DPF3: variants seen among roughly 807,000 people sequenced by gnomAD.
The protein encoded by DPF3 is zinc finger protein DPF3.
A neutral mutation model predicts 56.8 loss-of-function variants in DPF3; 18 were observed. That is an observed-to-expected ratio of 0.32 (90% CI 0.22 to 0.47). The LOEUF (loss-of-function observed/expected upper bound fraction) is 0.47. Among genes scored for constraint, DPF3 ranks in the 20% least tolerant of loss-of-function variants. The pLI, the probability that DPF3 is intolerant of heterozygous loss-of-function variation, is 1.00. For synonymous variants in DPF3, 188 were observed against 180.2 expected, an observed-to-expected ratio of 1.04 and a Z score of -0.35; for missense variants, 403 against 488.8, an observed-to-expected ratio of 0.82 and a Z score of 1.65.
At chr14:72,836,010 G>A in intron 1 of DPF3, 1 of 981,344 alleles carries the variant, frequency 1.0e-6, no homozygotes, top group Non-Finnish European at 1.2e-6. Context: ...ACATCCCGAG[G>A]GCCAGCCGTC....
chr14:72,620,916 G>GT (rs1198761912), intron 9 of DPF3, among the ~76,000 whole-genome samples: 13 of 152,322 alleles, frequency 8.5e-5, no homozygotes, highest in South Asian at 6.2e-4. Context: ...CAAGGCGCGT[G>GT]GTTCACTTGA....
At chr14:72,848,291 G>A (rs1235880161) in intron 1 of DPF3, among the ~76,000 whole-genome samples, 5 of 152,076 alleles carry the variant, frequency 3.3e-5, no homozygotes, top group Non-Finnish European at 5.9e-5. Context: ...AGCTTCCCAA[G>A]TAGCTGGGAT....
chr14:72,869,389 T>C (rs987117759), intron 1 of DPF3, among the ~76,000 whole-genome samples: 2 of 152,198 alleles, frequency 1.3e-5, no homozygotes, highest in Non-Finnish European at 2.9e-5. Context: ...AGCTAGTACA[T>C]TGTATGTGTT....
At chr14:72,860,175 C>CTTTTG (rs113625024) in intron 1 of DPF3, among the ~76,000 whole-genome samples, 23 of 151,704 alleles carry the variant, frequency 1.5e-4, no homozygotes, top group African/African-American at 4.1e-4. Flanking sequence ...TTATTAACAT[C>CTTTTG]TTTTGTTTTG....
At chr14:72,843,762 A>G (rs1037858317) in intron 1 of DPF3, among the ~76,000 whole-genome samples, 2 of 152,104 alleles carry the variant, frequency 1.3e-5, no homozygotes, top group Non-Finnish European at 2.9e-5. Context: ...GGCTGGTCTC[A>G]AACTCCCAAC....
intron 6 of DPF3, among the ~76,000 whole-genome samples, chr14:72,696,773 C>G (rs1332888960): frequency 6.6e-6 from 1 of 152,210 alleles, no homozygotes; most frequent in Non-Finnish European, 1.5e-5. Context: ...AAACAGTGGT[C>G]CCCAGACCAG....
At position 72,612,161 on chromosome 14, in the gene DPF3, G is replaced by C. The variant is rs1883765574; in HGVS notation, c.*7136C>G. On this transcript the variant is annotated 3_prime_UTR_variant, in exon 11 of 11. Coordinates refer to ENST00000556509, the MANE Select transcript of DPF3 (RefSeq NM_001280542.3). ...AAAACCCCCAGGGTGGACAACCATG[G>C]CAGATGAGTGGGGGGCAGCTTGGAT... 6.6e-6 allele frequency among the ~76,000 whole-genome samples: 1 copy of C among 152,168 alleles called. No homozygotes were observed. The highest frequency in any genetic ancestry group is 2.4e-5 in the African/African-American group (1 of 41,438).
intron 7 of DPF3, among the ~76,000 whole-genome samples, chr14:72,692,648 T>C (rs1210010263): frequency 6.6e-6 from 1 of 152,104 alleles, no homozygotes; most frequent in Non-Finnish European, 1.5e-5. Context: ...CAGCAATAGA[T>C]AAGAATATTC....
intron 5 of DPF3, among the ~76,000 whole-genome samples, chr14:72,714,765 G>C (rs1490773404): frequency 6.6e-6 from 1 of 152,108 alleles, no homozygotes; most frequent in Admixed American, 6.5e-5. Context: ...CAAACCAAAG[G>C]ACTGAAGCCA....
At chr14:72,760,275 C>T (rs551184359) in intron 2 of DPF3, among the ~76,000 whole-genome samples, 20 of 152,080 alleles carry the variant, frequency 1.3e-4, no homozygotes, top group Non-Finnish European at 2.2e-4. Flanking sequence ...GTTCGAGAAC[C>T]GCCTGACCGA....
chr14:72,816,761 A>T (rs1170866084), intron 1 of DPF3, among the ~76,000 whole-genome samples: 2 of 152,222 alleles, frequency 1.3e-5, no homozygotes, highest in Admixed American at 6.5e-5. Context: ...TCCAAAAGTG[A>T]ATAATTGTCA....
At position 72,727,641 on chromosome 14, in the gene DPF3, T is replaced by C. The variant is rs947708920; in HGVS notation, c.430-3913A>G. 2.6e-5 allele frequency among the ~76,000 whole-genome samples: 4 copies of C among 152,108 alleles called. 1 individual carries two copies. Among genetic ancestry groups the C allele is most frequent in the Non-Finnish European group, 5.9e-5 (4 of 68,024 alleles). On this transcript the variant is annotated intron_variant, in intron 4 of 10. Coordinates refer to ENST00000556509, the MANE Select transcript of DPF3 (RefSeq NM_001280542.3). ...ACTCTGATGCTGAATCTTCATACTGTTTGTTCTCATGGATTTTATCCTAAA... is the reference window on the plus strand; with the variant it reads ...ACTCTGATGCTGAATCTTCATACTGCTTGTTCTCATGGATTTTATCCTAAA...
intron 8 of DPF3, among the ~76,000 whole-genome samples, chr14:72,667,721 G>A (rs1437303027): frequency 2.0e-5 from 3 of 152,106 alleles, no homozygotes; most frequent in Non-Finnish European, 4.4e-5. Flanking sequence ...CTCTTTTACA[G>A]GATCTAATTG....
intron 1 of DPF3, among the ~76,000 whole-genome samples, chr14:72,887,152 AACACACACACACACACACACAC>A (rs149200705): frequency 7.2e-6 from 1 of 138,044 alleles, no homozygotes; most frequent in Non-Finnish European, 1.5e-5. Flanking sequence ...TCTGCCTCCA[AACACACACACACACACACACAC>A]ACACACACAC....
rs966460882 is a variant in DPF3 at position 72,612,765 on chromosome 14, G to C, written c.*6532C>G. 1 of 367,362 alleles carries C rather than the reference G, an allele frequency of 2.7e-6. No individual in the cohort carries two copies. The allele number at this position is 367,362 out of a possible 1,614,324, so 22.8% of individuals were successfully genotyped here. A position where few individuals can be genotyped will look rare whatever the true frequency, so the allele number is the denominator to read the frequency against. ...CCAACTATTGCCAAATATCTTTCAT[G>C]AAAAGAAGCATAGGTGAACGAAGGG... On this transcript the variant is annotated 3_prime_UTR_variant, in exon 11 of 11. Coordinates refer to ENST00000556509, the MANE Select transcript of DPF3 (RefSeq NM_001280542.3).
rs1049323172 is a variant in DPF3, at chr14:72,615,338, G to A, written c.*3959C>T. 7.9e-5 allele frequency among the ~76,000 whole-genome samples: 12 copies of A among 152,086 alleles called. No homozygotes were observed. Among genetic ancestry groups the A allele is most frequent in the African/African-American group, 1.7e-4 (7 of 41,400 alleles). ...AGGTTGCCAGCAACCTTTCTTCAGC[G>A]GCATAAAAGAGCACAGGTCTCCTCC... On this transcript the variant is annotated 3_prime_UTR_variant, in exon 11 of 11. Coordinates refer to ENST00000556509, the MANE Select transcript of DPF3 (RefSeq NM_001280542.3).
At chr14:72,739,716 C>T (rs150859062) in intron 3 of DPF3, among the ~76,000 whole-genome samples, 204 of 152,290 alleles carry the variant, frequency 1.3e-3, no homozygotes, top group African/African-American at 4.6e-3. Context: ...GTGGCCATTG[C>T]TCCTGGAGCT....
In DPF3 at chr14:72,613,712, C is replaced by T. The variant is rs908217440; in HGVS notation, c.*5585G>A. 2.0e-5 allele frequency among the ~76,000 whole-genome samples: 3 copies of T among 152,180 alleles called. No individual in the cohort carries two copies. Among genetic ancestry groups the T allele is most frequent in the Non-Finnish European group, 4.4e-5 (3 of 68,032 alleles). On this transcript the variant is annotated 3_prime_UTR_variant, in exon 11 of 11. Coordinates refer to ENST00000556509, the MANE Select transcript of DPF3 (RefSeq NM_001280542.3). ...CCCTCATGCAGGGAGTTCCCTGTTC[C>T]TTCTAGAAAACCCATGGTACGGAAC... is the stretch of plus-strand genomic sequence containing the variant.
chr14:72,643,750 G>T (rs191661088), intron 8 of DPF3, among the ~76,000 whole-genome samples: 4 of 152,186 alleles, frequency 2.6e-5, no homozygotes, highest in Non-Finnish European at 5.9e-5. Flanking sequence ...CACAAAAGAC[G>T]GCTGGCATCC....
Sources: gnomAD v4.1 joint callset for allele counts (sites outside exome capture counted in the v4.1 genomes callset) on GRCh38, gnomAD v4.1.1 for gene constraint, MANE v1.5 for transcripts, NCBI Gene and HGNC (gene_info 2026-07-23, HGNC 2026-07-21) for gene names.